Variants in ITGA3 observed in about 807,000 individuals in gnomAD.
The protein encoded by ITGA3 is integrin alpha-3.
In ITGA3, 70 loss-of-function variants were observed where a neutral mutation model predicts 131.1. The ratio of observed to expected loss-of-function variants is 0.53; its 90% CI spans 0.44 to 0.65. The LOEUF is 0.65. Ranked by LOEUF, ITGA3 falls within the 30% of genes least tolerant of loss-of-function variation. The pLI is 0.00. For synonymous variants in ITGA3, 537 were observed against 571.6 expected, an observed-to-expected ratio of 0.94 and a Z score of 0.86; for missense variants, 1,098 against 1,388.6, an observed-to-expected ratio of 0.79 and a Z score of 3.33.
At chr17:50,058,664 G>T (rs970507841) in intron 1 of ITGA3, among the ~76,000 whole-genome samples, 13 of 152,214 alleles carry the variant, frequency 8.5e-5, no homozygotes, top group Non-Finnish European at 1.8e-4. Context: ...CTTTCCTAAG[G>T]GTGGTTCTGT....
chr17:50,090,104 A>G lies in ITGA3; in HGVS notation c.*1026A>G. 1 of 355,796 alleles carries G rather than the reference A, an allele frequency of 2.8e-6. No individual in the cohort carries two copies. Among genetic ancestry groups the G allele is most frequent in the South Asian group, 2.0e-5 (1 of 50,136 alleles). 22.0% of individuals were successfully genotyped at this position (355,796 alleles called of 1,614,324 possible). A position where few individuals can be genotyped will look rare whatever the true frequency, so the allele number is the denominator to read the frequency against. On this transcript the variant is annotated 3_prime_UTR_variant, in exon 26 of 26. Transcript: ENST00000320031. ...ACTCACCACTACCAGCCAGCCTCAG[A>G]AGGCCCCAGAGAGACCCTGCAAGAC...
In ITGA3 at chr17:50,067,986, AG is replaced by A. The variant is rs142114722; in HGVS notation, c.415-67del. ...CTGTTTGGCAAAGCCAGAGGCTTACAGGGTAAAAGAGACAGCTGACCCGGGT... is the reference window on the plus strand; with the variant it reads ...CTGTTTGGCAAAGCCAGAGGCTTACAGGTAAAAGAGACAGCTGACCCGGGT... On this transcript the variant is annotated intron_variant, in intron 3 of 25. Transcript: ENST00000320031. 2.1e-3 allele frequency: 3,327 copies of A among 1,588,412 alleles called. 75 individuals carry two copies. The African/African-American group carries it at 0.04, about 19-fold the overall frequency.
intron 6 of ITGA3, chr17:50,071,780 T>A (rs1908645042): frequency 1.6e-6 from 1 of 616,580 alleles, no homozygotes; most frequent in African/African-American, 1.8e-5. Context: ...CTGCATGGCG[T>A]CTCCATGACA....
chr17:50,074,729 G>T (rs1430665611), intron 10 of ITGA3, among the ~76,000 whole-genome samples, 195 bp downstream of exon 10: 3 of 152,186 alleles, frequency 2.0e-5, no homozygotes, highest in Admixed American at 2.0e-4. Context: ...GAAGTCGGGG[G>T]CAGTAGAGTA....
chr17:50,057,596 G>A (rs1419059809), intron 1 of ITGA3, among the ~76,000 whole-genome samples: 1 of 152,176 alleles, frequency 6.6e-6, no homozygotes, highest in Non-Finnish European at 1.5e-5. Context: ...GTTGGGGGAG[G>A]TGAAGCTGTC....
At position 50,077,014 on chromosome 17, in the gene ITGA3, A is replaced by G; in HGVS notation, c.1963A>G (p.Ile655Val). The change falls in exon 15 of 26, where the codon ATC (isoleucine) becomes GTC (valine). Residue 655 changes from isoleucine to valine, a missense_variant. Ile to Val is a conservative substitution (Grantham distance 29). This residue lies in a region of ITGA3 where 699 missense variants were observed against 829.2 expected (regional missense o/e 0.84). Transcript: ENST00000320031. ...AGACGTCCGGAAATTGCTCCTGAGC[A>G]TCAACGTGACGAACACCCGGACCTC... ...SRDVRKLLLS[I>V]NVTNTRTSER... is the part of the protein sequence containing the mutation. The G allele has an allele frequency of 1.2e-6, 2 of 1,611,686 alleles. No individual in the cohort carries two copies. Among genetic ancestry groups the G allele is most frequent in the Non-Finnish European group, 1.7e-6 (2 of 1,178,774 alleles).
At chr17:50,078,363 A>G (rs1415065739) in intron 18 of ITGA3, 79 bp downstream of exon 18, 1 of 1,184,648 alleles carries the variant, frequency 8.4e-7, no homozygotes, top group Non-Finnish European at 1.2e-6. Flanking sequence ...CTATCTCCCA[A>G]ACTCCTCTGA....
intron 12 of ITGA3, 30 bp from the exon 13 acceptor site, chr17:50,076,296 G>T (rs1908885690): frequency 6.2e-7 from 1 of 1,606,776 alleles, no homozygotes; most frequent in East Asian, 2.2e-5. Flanking sequence ...AGCAGTGCAG[G>T]GCCGGGCTCA....
chr17:50,079,453 T>G lies in ITGA3; in HGVS notation c.2602T>G (p.Ser868Ala), dbSNP rs766341948. 2 of 1,572,542 alleles carry G rather than the reference T, an allele frequency of 1.3e-6. No homozygotes were observed. The change falls in exon 21 of 26, where the codon TCA (serine) becomes GCA (alanine). Residue 868 changes from serine (S) to alanine (A), a missense_variant. Transcript: ENST00000320031. The part of the protein sequence containing the change: ...LTLSDPGDRP[S>A]SPQRRRRQLD... ...TCTCCAGGACCCTGGGGACAGGCCA[T>G]CATCCCCACAGCGCAGGCGGCGACA...
At chr17:50,063,207 G>A (rs1029448847) in intron 1 of ITGA3, among the ~76,000 whole-genome samples, 2 of 152,130 alleles carry the variant, frequency 1.3e-5, no homozygotes, top group Non-Finnish European at 1.5e-5. Context: ...GATGGATTCT[G>A]GGCAGGCTGG....
In ITGA3 at chr17:50,064,649, C is replaced by T; in HGVS notation, c.414+42C>T. 1 of 1,537,130 alleles carries T rather than the reference C, an allele frequency of 6.5e-7. No individual in the cohort carries two copies. The highest frequency in any genetic ancestry group is 8.9e-7 in the Non-Finnish European group (1 of 1,123,078). On this transcript the variant is annotated intron_variant, in intron 3 of 25. Transcript: ENST00000320031. This position sits in a 1 kb window ranked among gnomAD's most constrained non-coding sequence, Gnocchi z 4.4. ...TGTTGGCTCCTCCACCTCTACCCGG[C>T]TCTCCCCTCATCTCCAGAGCTGGGA...
In ITGA3 at chr17:50,089,290, C is replaced by A. The variant is rs1909606826; in HGVS notation, c.*212C>A. 5 of 1,600,732 alleles carry A rather than the reference C, an allele frequency of 3.1e-6. No individual in the cohort carries two copies. The highest frequency in any genetic ancestry group is 4.3e-6 in the Non-Finnish European group (5 of 1,170,436). On this transcript the variant is annotated 3_prime_UTR_variant, in exon 26 of 26. Coordinates refer to ENST00000320031, the MANE Select transcript of ITGA3 (RefSeq NM_002204.4). Reference sequence around the variant, plus strand: ...ACGTCCTCCCTGATCCCACCCCCTCCTCCCCCAGTGTCCCCTTTCTTCCTA... The same window carrying A: ...ACGTCCTCCCTGATCCCACCCCCTCATCCCCCAGTGTCCCCTTTCTTCCTA...
In ITGA3 at chr17:50,085,886, G is replaced by GATTATACATTATAGATTTATAATA. The variant is rs1567706014; in HGVS notation, c.2920-1858_2920-1857insATTATACATTATAGATTTATAATA. 1.2e-3 allele frequency among the ~76,000 whole-genome samples: 120 copies of GATTATACATTATAGATTTATAATA among 101,640 alleles called. 3 individuals are homozygous for GATTATACATTATAGATTTATAATA. The highest frequency in any genetic ancestry group is 6.8e-3 in the East Asian group (21 of 3,098). 66.7% of individuals were successfully genotyped at this position (101,640 alleles called of 152,430 possible). A position where few individuals can be genotyped will look rare whatever the true frequency, so the allele number is the denominator to read the frequency against. Reference sequence around the variant, plus strand: ...AGATTATACATTATAGATTTATAATGTATATTAGATTATACACATATAGAT... The same window carrying GATTATACATTATAGATTTATAATA: ...AGATTATACATTATAGATTTATAATGATTATACATTATAGATTTATAATATATATTAGATTATACACATATAGAT... On this transcript the variant is annotated intron_variant, in intron 23 of 25. Transcript: ENST00000320031.
chr17:50,058,840 G>A (rs1234330678), intron 1 of ITGA3, among the ~76,000 whole-genome samples: 2 of 152,236 alleles, frequency 1.3e-5, no homozygotes, highest in African/African-American at 4.8e-5. Context: ...TATTCTGTTA[G>A]CCTGAAAGTC....
rs989695999 is a variant in ITGA3 at position 50,064,735 on chromosome 17, C to T, written c.414+128C>T. ...TGTGTGCTGGGGCCTGCACACATGT[C>T]CCTTCCTGTGGCTGTGTGTCCCTCG... On this transcript the variant is annotated intron_variant, in intron 3 of 25. Transcript: ENST00000320031. This position sits in a 1 kb window ranked among gnomAD's most constrained non-coding sequence, Gnocchi z 4.4. The T allele has an allele frequency of 1.5e-6, 1 of 675,876 alleles. No homozygotes were observed. The highest frequency in any genetic ancestry group is 2.8e-5 in the East Asian group (1 of 35,314). The allele number at this position is 675,876 out of a possible 1,614,324, so 41.9% of individuals were successfully genotyped here.
intron 22 of ITGA3, chr17:50,081,039 A>G (rs1909163941): frequency 4.7e-6 from 2 of 422,670 alleles, no homozygotes; most frequent in Non-Finnish European, 8.6e-6. Context: ...GTGCCAGTCC[A>G]GATTTAGCCC....
chr17:50,059,923 C>T lies in ITGA3; in HGVS notation c.206+3278C>T, dbSNP rs1466813618. ...CTGTCCTTTCTCATTCTCTCTCTCC[C>T]TCCAGCTTGTTGCTCTGGTTCTAGG... is the stretch of plus-strand genomic sequence containing the variant. On this transcript the variant is annotated intron_variant, in intron 1 of 25. Coordinates refer to ENST00000320031, the MANE Select transcript of ITGA3 (RefSeq NM_002204.4). Among the ~76,000 whole-genome samples, 3 of 152,172 alleles carry T rather than the reference C, an allele frequency of 2.0e-5. No individual in the cohort carries two copies. The East Asian group carries it at 5.8e-4, about 29-fold the overall frequency.
chr17:50,056,621 A>G lies in ITGA3; in HGVS notation c.182A>G (p.Gln61Arg). The change falls in exon 1 of 26, where the codon CAG (glutamine) becomes CGG (arginine). Residue 61 changes from glutamine (Q) to arginine (R), a missense_variant. Gln to Arg is a conservative substitution (Grantham distance 43). Around this residue, in one of 3 missense-constraint regions of ITGA3, gnomAD observed 356 missense variants for 529.2 expected, o/e 0.67. Transcript: ENST00000320031. The surrounding 1 kb of genome is among the most constrained non-coding windows in gnomAD (Gnocchi z 5.6). ...GGCTACTCGGTCGCCCTCCATCGGC[A>G]GACAGAGCGGCAGCAGCGCTACCTG... ...LFGYSVALHR[Q>R]TERQQRYLLL... 6.2e-7 allele frequency: 1 copy of G among 1,603,616 alleles called. No homozygotes were observed. The highest frequency in any genetic ancestry group is 8.5e-7 in the Non-Finnish European group (1 of 1,175,988).
chr17:50,078,307 C>T (rs1278322475), intron 18 of ITGA3, 23 bp downstream of exon 18: 1 of 1,593,552 alleles, frequency 6.3e-7, no homozygotes, highest in South Asian at 1.1e-5. Flanking sequence ...CTCCACCACC[C>T]CCACCCCAGC....
Sources: allele counts gnomAD v4.1 joint callset (sites outside exome capture counted in the v4.1 genomes callset), GRCh38; gene constraint gnomAD v4.1.1; regional missense constraint gnomAD v4.1.1; non-coding constraint Gnocchi (gnomAD v3.1); transcripts MANE v1.5; gene names NCBI Gene and HGNC (gene_info 2026-07-23, HGNC 2026-07-21).